Variants in PGC observed in about 807,000 individuals in gnomAD.
PGC encodes the protein progastricsin, also known as gastricsin.
PGC carries 31 observed loss-of-function variants against 45.9 expected under a neutral mutation model. The ratio of observed to expected loss-of-function variants is 0.67; its 90% CI spans 0.51 to 0.91. The LOEUF (loss-of-function observed/expected upper bound fraction) is 0.91. Ranked by LOEUF, PGC falls within the 40% of genes least tolerant of loss-of-function variation. The pLI is 0.00. For synonymous variants in PGC, 192 were observed against 201.8 expected (o/e 0.95, Z 0.41); for missense variants, 477 against 493.2 (o/e 0.97, Z 0.31).
At chr6:41,737,993 G>A (rs966155972) in intron 7 of PGC, among the ~76,000 whole-genome samples, 165 bp from the exon 8 acceptor site, 3 of 151,634 alleles carry the variant, frequency 2.0e-5, no homozygotes, top group African/African-American at 4.9e-5. Flanking sequence ...TGTAGGTAAT[G>A]CTGGCATTAT....
In PGC at chr6:41,736,948, G is replaced by T. The variant is rs754501714; in HGVS notation, c.1071C>A (p.Gly357=). Residue 357 remains glycine (G), a synonymous_variant, in exon 9 of 9, where the codon GGC becomes GGA. Transcript: ENST00000373025. The part of the protein sequence containing the change: ...VEPTYLSSQN[G]QPLWILGDVF... The stretch of plus-strand genomic sequence containing the variant: ...CATCCCCGAGGATCCACAGGGGCTG[G>T]CCGTTCTGGGAGGACAGGTAGGTGG... 7 of 1,614,092 alleles carry T rather than the reference G, an allele frequency of 4.3e-6. No homozygotes were observed. Among genetic ancestry groups the T allele is most frequent in the Non-Finnish European group, 5.9e-6 (7 of 1,179,960 alleles).
chr6:41,743,184 T>C, intron 4 of PGC, 87 bp downstream of exon 4: 2 of 831,410 alleles, frequency 2.4e-6, no homozygotes, highest in Admixed American at 3.5e-5. Context: ...AACACTAGCA[T>C]TCCACCGTGT....
At chr6:41,745,020 C>T (rs1288038426) in intron 1 of PGC, among the ~76,000 whole-genome samples, 37 of 151,650 alleles carry the variant, frequency 2.4e-4, no homozygotes, top group Admixed American at 2.0e-3. Context: ...TGTGTGCGCG[C>T]GCGCGTGTTT....
At chr6:41,738,144 G>GCATATATATA (rs1771727290) in intron 7 of PGC, among the ~76,000 whole-genome samples, 3 of 26,098 alleles carry the variant, frequency 1.1e-4, no homozygotes, top group Non-Finnish European at 2.9e-4. Flanking sequence ...ATATATATAT[G>GCATATATATA]CATATATATA....
chr6:41,741,278 C>A (rs1190452835), intron 5 of PGC: 53 of 1,399,452 alleles, frequency 3.8e-5, no homozygotes, highest in Non-Finnish European at 4.9e-5. Context: ...AAGTTAGCAA[C>A]ATTAGTAACA....
chr6:41,738,887 A>G (rs1217258058), intron 7 of PGC, among the ~76,000 whole-genome samples: 1 of 151,672 alleles, frequency 6.6e-6, no homozygotes, highest in Non-Finnish European at 1.5e-5. Context: ...TGAACCCAGG[A>G]AAGTGGAGGT....
intron 7 of PGC, among the ~76,000 whole-genome samples, chr6:41,738,153 TATAC>T (rs1561879627): frequency 9.5e-5 from 4 of 42,204 alleles, no homozygotes; most frequent in African/African-American, 2.9e-4. Context: ...TGCATATATA[TATAC>T]ATATATATGC....
In PGC at chr6:41,736,929, C is replaced by A. The variant is rs748825957; in HGVS notation, c.1090G>T (p.Gly364Trp). The A allele has an allele frequency of 6.2e-7, 1 of 1,614,020 alleles. No individual in the cohort carries two copies. Among genetic ancestry groups the A allele is most frequent in the Non-Finnish European group, 8.5e-7 (1 of 1,179,942 alleles). Reference protein sequence around the residue: ...SQNGQPLWILGDVFLRSYYSV... With the variant: ...SQNGQPLWILWDVFLRSYYSV... ...TAGTAGGACCTGAGGAAGACATCCC[C>A]GAGGATCCACAGGGGCTGGCCGTTC... Residue 364 changes from glycine (G) to tryptophan (W), a missense_variant, in exon 9 of 9, where the codon GGG becomes TGG. By Grantham distance (184) the Gly-to-Trp change is radical. Coordinates refer to ENST00000373025, the MANE Select transcript of PGC (RefSeq NM_002630.4).
At chr6:41,746,942 G>C (rs147969921) in intron 1 of PGC, among the ~76,000 whole-genome samples, 316 of 152,334 alleles carry the variant, frequency 2.1e-3, no homozygotes, top group Non-Finnish European at 3.0e-3. Flanking sequence ...TATCCAAAAA[G>C]GATTGCTCCC....
intron 7 of PGC, among the ~76,000 whole-genome samples, chr6:41,739,451 CT>C (rs1448356812): frequency 6.6e-6 from 1 of 150,848 alleles, no homozygotes; most frequent in African/African-American, 2.4e-5. Context: ...CAGGGTCTTG[CT>C]TTGTCACCCA....
chr6:41,741,702 C>T lies in PGC; in HGVS notation c.647+588G>A, dbSNP rs562870937. The T allele has an allele frequency of 1.1e-5, 9 of 807,418 alleles. No individual in the cohort carries two copies. In the East Asian group the frequency reaches 1.9e-4, roughly 17 times the overall value. The allele number at this position is 807,418 out of a possible 1,614,324, so 50.0% of individuals were successfully genotyped here. A position where few individuals can be genotyped will look rare whatever the true frequency, so the allele number is the denominator to read the frequency against. ...GTTGCTGGTTAATTCTGAAGAAGAA[C>T]AAAGAAAAGCAGGCCCCAGGCCGCT... is the stretch of plus-strand genomic sequence containing the variant. On this transcript the variant is annotated intron_variant, in intron 5 of 8. Transcript: ENST00000373025.
chr6:41,741,869 A>T (rs893097274), intron 5 of PGC: 2 of 1,513,664 alleles, frequency 1.3e-6, no homozygotes, highest in African/African-American at 2.8e-5. Flanking sequence ...AAAGGAGATG[A>T]AGCAATACAT....
At chr6:41,737,688 A>T in intron 8 of PGC, 42 bp downstream of exon 8, 1 of 1,252,266 alleles carries the variant, frequency 8.0e-7, no homozygotes, top group Non-Finnish European at 1.2e-6. Context: ...CTTCCTCCCA[A>T]CCCCAATCAT....
intron 1 of PGC, 114 bp downstream of exon 1, chr6:41,747,162 T>G: frequency 1.2e-6 from 1 of 853,282 alleles, no homozygotes; most frequent in East Asian, 2.4e-5. Context: ...TCCCTTCCCC[T>G]AGCAGAAGTC....
intron 7 of PGC, among the ~76,000 whole-genome samples, chr6:41,738,443 C>A (rs1771757874): frequency 6.7e-6 from 1 of 148,818 alleles, no homozygotes; most frequent in African/African-American, 2.5e-5. Context: ...GCCTGAGTGA[C>A]ATGATGAAAC....
Position 41,737,034 on chromosome 6 carries a change from C to T in PGC, c.1015-30G>A, listed in dbSNP as rs73733015. The T allele has an allele frequency of 5.1e-5, 82 of 1,597,890 alleles. No individual in the cohort carries two copies. In the East Asian group the frequency reaches 1.8e-3, roughly 35 times the overall value. The stretch of plus-strand genomic sequence containing the variant: ...TCAACAAAGAAAGGCAGCACTCATT[C>T]ATTTGTCCACACATGAGCTGGGCCC... On this transcript the variant is annotated intron_variant, in intron 8 of 8. Transcript: ENST00000373025.
chr6:41,742,468 T>TGGG lies in PGC; in HGVS notation c.466_468dup (p.Pro156dup), dbSNP rs1306572969. The TGGG allele has an allele frequency of 4.3e-6, 7 of 1,613,988 alleles. No homozygotes were observed. The highest frequency in any genetic ancestry group is 5.1e-6 in the Non-Finnish European group (6 of 1,179,970). On this transcript the variant is annotated inframe_insertion, in exon 5 of 9. Coordinates refer to ENST00000373025, the MANE Select transcript of PGC (RefSeq NM_002630.4). ...TTCTCACTCAAGCCGAACTCCTGGT[T>TGGG]GGGGACCTGGATGCTCTGGACCTAA...
intron 1 of PGC, among the ~76,000 whole-genome samples, chr6:41,745,815 C>T (rs1298909535): frequency 6.6e-6 from 1 of 151,674 alleles, no homozygotes; most frequent in Non-Finnish European, 1.5e-5. Context: ...TCCTAAAGTG[C>T]TAGGATTACA....
chr6:41,744,498 T>A lies in PGC; in HGVS notation c.227A>T (p.Glu76Val), dbSNP rs1451912821. The A allele has an allele frequency of 6.2e-7, 1 of 1,613,116 alleles. No homozygotes were observed. Among genetic ancestry groups the A allele is most frequent in the South Asian group, 1.1e-5 (1 of 91,056 alleles). ...MAYMDAAYFG[E>V]ISIGTPPQNF... ...CTGGGGTGGAGTCCCGATGCTGATCTCACCAAAGTAGGCAGCCTGGGGGCC... is the reference window on the plus strand; with the variant it reads ...CTGGGGTGGAGTCCCGATGCTGATCACACCAAAGTAGGCAGCCTGGGGGCC... The change falls in exon 3 of 9, where the codon GAG becomes GTG. Residue 76 changes from glutamate (E) to valine (V), a missense_variant. Transcript: ENST00000373025. The surrounding 1 kb of genome is among the most constrained non-coding windows in gnomAD (Gnocchi z 4.4).
Sources: allele counts gnomAD v4.1 joint callset (sites outside exome capture counted in the v4.1 genomes callset), GRCh38; gene constraint gnomAD v4.1.1; non-coding constraint Gnocchi (gnomAD v3.1); transcripts MANE v1.5; gene names NCBI Gene and HGNC (gene_info 2026-07-23, HGNC 2026-07-21).